ZNF416: variants seen among roughly 807,000 people sequenced by gnomAD.
ZNF416 encodes the protein zinc finger protein 416.
A neutral mutation model predicts 10.9 loss-of-function variants in ZNF416; 5 were observed. That is an observed-to-expected ratio of 0.46 (90% CI 0.24 to 0.97). The LOEUF is 0.97. ZNF416 is among the 50% of genes least tolerant of loss of function. The pLI is 0.19. For synonymous variants in ZNF416, 267 were observed against 251.8 expected (o/e 1.06, Z -0.57); for missense variants, 675 against 715.0 (o/e 0.94, Z 0.64).
chr19:57,572,028 C>T lies in ZNF416; in HGVS notation c.*91G>A. On this transcript the variant is annotated 3_prime_UTR_variant, in exon 4 of 4. Coordinates refer to ENST00000196489, the MANE Select transcript of ZNF416 (RefSeq NM_017879.3). This position sits in a 1 kb window ranked among gnomAD's most constrained non-coding sequence, Gnocchi z 4.5. Reference sequence around the variant, plus strand: ...TTTAACTTTAGGCAGACGGCTCCTTCACAAAGGCTCTCTATAGCCATAACA... The same window carrying T: ...TTTAACTTTAGGCAGACGGCTCCTTTACAAAGGCTCTCTATAGCCATAACA... 1 of 1,501,840 alleles carries T rather than the reference C, an allele frequency of 6.7e-7. No individual in the cohort carries two copies. 93.0% of individuals were successfully genotyped at this position (1,501,840 alleles called of 1,614,324 possible).
In ZNF416 at chr19:57,572,856, C is replaced by T. The variant is rs755877908; in HGVS notation, c.1048G>A (p.Gly350Arg). The change falls in exon 4 of 4, where the codon GGA becomes AGA. Residue 350 changes from glycine (G) to arginine (R), a missense_variant. Transcript: ENST00000196489. This position sits in a 1 kb window ranked among gnomAD's most constrained non-coding sequence, Gnocchi z 4.5. ...TCATCACACTCATAAGGCCTTTCTC[C>T]AGTGTGAATTCTGCAATGTTCAATA... ...NLIEHCRIHT[G>R]ERPYECDECG... The T allele has an allele frequency of 1.9e-6, 3 of 1,614,064 alleles. No individual in the cohort carries two copies. The East Asian group carries it at 6.7e-5, about 36-fold the overall frequency.
rs2090199367 is a variant in ZNF416 at position 57,572,496 on chromosome 19, C to A, written c.1408G>T (p.Glu470Ter). 1 of 1,613,804 alleles carries A rather than the reference C, an allele frequency of 6.2e-7. No homozygotes were observed. Among genetic ancestry groups the A allele is most frequent in the South Asian group, 1.1e-5 (1 of 91,074 alleles). The stretch of plus-strand genomic sequence containing the variant: ...TTGAACATAAAAGCTTTCCCACATT[C>A]CCCACATACATAAGGCCTTTCTGCA... ...HTAERPYVCG[E>*]CGKAFMFKSK... Residue 470 changes from glutamate to a stop codon, truncating the protein, a stop_gained, in exon 4 of 4, where the codon GAA (glutamate) becomes TAA (stop). Coordinates refer to ENST00000196489, the MANE Select transcript of ZNF416 (RefSeq NM_017879.3). LOFTEE classifies it low-confidence loss of function (END_TRUNC). The surrounding 1 kb of genome is among the most constrained non-coding windows in gnomAD (Gnocchi z 4.5).
At position 57,578,705 on chromosome 19, in the gene ZNF416, C is replaced by G; in HGVS notation, c.-1G>C. 6.5e-7 allele frequency: 1 copy of G among 1,540,998 alleles called. No homozygotes were observed. The highest frequency in any genetic ancestry group is 8.7e-7 in the Non-Finnish European group (1 of 1,144,094). On this transcript the variant is annotated 5_prime_UTR_variant, in exon 1 of 4. Transcript: ENST00000196489. ...AATCCCTAAGCACGGCCGCCGCCAT[C>G]GGATTGTGAGCGGAGCGGGGCCGGG...
In ZNF416 at chr19:57,577,467, T is replaced by TA. The variant is rs1247232401; in HGVS notation, c.75+589dup. Among the ~76,000 whole-genome samples the TA allele has an allele frequency of 5.3e-5, 8 of 152,150 alleles. No individual in the cohort carries two copies. The East Asian group carries it at 1.5e-3, about 29-fold the overall frequency. On this transcript the variant is annotated intron_variant, in intron 2 of 3. Coordinates refer to ENST00000196489, the MANE Select transcript of ZNF416 (RefSeq NM_017879.3). ...ATCTCAAAATCCAGGCTTCCCTACT[T>TA]AAAAAAACTGATCTAAAATCCAACT... is the stretch of plus-strand genomic sequence containing the variant.
Position 57,572,728 on chromosome 19 carries a change from T to A in ZNF416, c.1176A>T (p.Arg392Ser). ...GGTGTACAACAAGGCTGAAGCTTTG[T>A]CTGAATAATTTCCCACATTCACCAC... is the stretch of plus-strand genomic sequence containing the variant. ...YECGECGKLF[R>S]QSFSLVVHQR... is the part of the protein sequence containing the mutation. The change falls in exon 4 of 4, where the codon AGA (arginine) becomes AGT (serine). Residue 392 changes from arginine (R) to serine (S), a missense_variant. Physicochemically the swap from Arg to Ser is moderately radical, Grantham distance 110. Transcript: ENST00000196489. The surrounding 1 kb of genome is among the most constrained non-coding windows in gnomAD (Gnocchi z 4.5). 6.2e-7 allele frequency: 1 copy of A among 1,613,886 alleles called. No individual in the cohort carries two copies. The highest frequency in any genetic ancestry group is 8.5e-7 in the Non-Finnish European group (1 of 1,179,976).
chr19:57,578,128 G>C (rs1051228444), intron 1 of ZNF416, 30 bp from the exon 2 acceptor site: 9 of 1,613,568 alleles, frequency 5.6e-6, no homozygotes, highest in Non-Finnish European at 7.6e-6. Context: ...ATGAGAGGCA[G>C]GTAACTATGG....
At chr19:57,578,029 G>C in intron 2 of ZNF416, 28 bp downstream of exon 2, 3 of 1,613,834 alleles carry the variant, frequency 1.9e-6, no homozygotes, top group South Asian at 1.1e-5. Context: ...GTCAGCATCA[G>C]TGAGGGCCCG....
At chr19:57,577,698 G>C (rs565077880) in intron 2 of ZNF416, among the ~76,000 whole-genome samples, 8 of 152,136 alleles carry the variant, frequency 5.3e-5, no homozygotes, top group Non-Finnish European at 7.4e-5. Context: ...ACACACTCCA[G>C]AAGAAACACC....
At chr19:57,578,211 A>C (rs1978617340) in intron 1 of ZNF416, 113 bp from the exon 2 acceptor site, 5 of 1,031,492 alleles carry the variant, frequency 4.8e-6, no homozygotes, top group Non-Finnish European at 7.6e-6. Context: ...GTGATGACTA[A>C]ATTATTATTG....
At chr19:57,574,536 G>A (rs1229603851) in intron 3 of ZNF416, among the ~76,000 whole-genome samples, 1 of 152,044 alleles carries the variant, frequency 6.6e-6, no homozygotes, top group Non-Finnish European at 1.5e-5. Flanking sequence ...AAATCCTGTG[G>A]GTACATAACA....
Position 57,575,746 on chromosome 19 carries a change from C to T in ZNF416, c.202+58G>A. ...AGCCCACGGTCCGGCAGAGCTGCCT[C>T]TGAGGAAAAAGAGGATAGACGAAGA... On this transcript the variant is annotated intron_variant, in intron 3 of 3. Coordinates refer to ENST00000196489, the MANE Select transcript of ZNF416 (RefSeq NM_017879.3). The surrounding 1 kb of genome is among the most constrained non-coding windows in gnomAD (Gnocchi z 4.4). The T allele has an allele frequency of 6.2e-7, 1 of 1,612,454 alleles. No homozygotes were observed. Among genetic ancestry groups the T allele is most frequent in the South Asian group, 1.1e-5 (1 of 91,054 alleles).
chr19:57,578,683 C>A lies in ZNF416; in HGVS notation c.22G>T (p.Asp8Tyr). The A allele has an allele frequency of 6.4e-7, 1 of 1,555,222 alleles. No homozygotes were observed. The highest frequency in any genetic ancestry group is 8.7e-7 in the Non-Finnish European group (1 of 1,151,974). Residue 8 changes from aspartate to tyrosine, a missense_variant, in exon 1 of 4, where the codon GAT becomes TAT. Transcript: ENST00000196489. ...GACGCAGCACTCACCGAAGTCGAAT[C>A]CCTAAGCACGGCCGCCGCCATCGGA... MAAAVLR[D>Y]STSVPVTAEA...
At position 57,572,389 on chromosome 19, in the gene ZNF416, T is replaced by C. The variant is rs768062028; in HGVS notation, c.1515A>G (p.Gln505=). ...TCTGGTGTTCAACGAGGGTATAGCT[T>C]TGTCTAAAAAATTTCCCACATTCAC... is the stretch of plus-strand genomic sequence containing the variant. The part of the protein sequence containing the change: ...ECSECGKFFR[Q]SYTLVEHQKI... The change falls in exon 4 of 4, where the codon CAA becomes CAG. Residue 505 remains glutamine, a synonymous_variant. Transcript: ENST00000196489. This position sits in a 1 kb window ranked among gnomAD's most constrained non-coding sequence, Gnocchi z 4.5. The C allele has an allele frequency of 3.7e-6, 6 of 1,614,210 alleles. No individual in the cohort carries two copies. The highest frequency in any genetic ancestry group is 5.1e-6 in the Non-Finnish European group (6 of 1,180,026).
In ZNF416 at chr19:57,572,082, A is replaced by G. The variant is rs767492775; in HGVS notation, c.*37T>C. On this transcript the variant is annotated 3_prime_UTR_variant, in exon 4 of 4. Coordinates refer to ENST00000196489, the MANE Select transcript of ZNF416 (RefSeq NM_017879.3). This position sits in a 1 kb window ranked among gnomAD's most constrained non-coding sequence, Gnocchi z 4.5. ...AAGAAAGACATGGCACATTCCCTGC[A>G]GGTCTAAGGCTTTTCTCAGGTTTGG... is the stretch of plus-strand genomic sequence containing the variant. 2 of 1,582,606 alleles carry G rather than the reference A, an allele frequency of 1.3e-6. No homozygotes were observed. Among genetic ancestry groups the G allele is most frequent in the Non-Finnish European group, 1.7e-6 (2 of 1,161,640 alleles).
At chr19:57,576,368 G>T (rs901603824) in intron 2 of ZNF416, among the ~76,000 whole-genome samples, 1 of 151,908 alleles carries the variant, frequency 6.6e-6, no homozygotes, top group African/African-American at 2.4e-5. Flanking sequence ...TCACTCCCAC[G>T]GCTATTTCCA....
At chr19:57,577,502 A>ACAGCCACCACACAAGTC (rs1432289079) in intron 2 of ZNF416, among the ~76,000 whole-genome samples, 1 of 152,106 alleles carries the variant, frequency 6.6e-6, no homozygotes, top group Non-Finnish European at 1.5e-5. Context: ...TACCACCTCC[A>ACAGCCACCACACAAGTC]CAGCCACCAC....
At chr19:57,576,324 T>A (rs1978532944) in intron 2 of ZNF416, among the ~76,000 whole-genome samples, 1 of 152,104 alleles carries the variant, frequency 6.6e-6, no homozygotes, top group African/African-American at 2.4e-5. Flanking sequence ...CATATGCACA[T>A]CACTCTTTGA....
Position 57,578,775 on chromosome 19 carries a change from A to G in ZNF416, c.-71T>C. ...CGGGAACCCAGGCACGGCTGCCACC[A>G]GCGCCAGCGACCCACCGGCTGATGC... On this transcript the variant is annotated 5_prime_UTR_variant, in exon 1 of 4. Coordinates refer to ENST00000196489, the MANE Select transcript of ZNF416 (RefSeq NM_017879.3). 1.5e-6 allele frequency: 2 copies of G among 1,367,574 alleles called. No individual in the cohort carries two copies. The highest frequency in any genetic ancestry group is 1.6e-5 in the South Asian group (1 of 60,672). The allele number at this position is 1,367,574 out of a possible 1,614,324, so 84.7% of individuals were successfully genotyped here.
rs1379071467 is a variant in ZNF416, at chr19:57,572,344, C to G, written c.1560G>C (p.Arg520Ser). 6.2e-7 allele frequency: 1 copy of G among 1,614,142 alleles called. No individual in the cohort carries two copies. Among genetic ancestry groups the G allele is most frequent in the South Asian group, 1.1e-5 (1 of 91,082 alleles). Residue 520 changes from arginine to serine, a missense_variant, in exon 4 of 4, where the codon AGG becomes AGC. Arg to Ser is a moderately radical substitution (Grantham distance 110). Transcript: ENST00000196489. The surrounding 1 kb of genome is among the most constrained non-coding windows in gnomAD (Gnocchi z 4.5). ...VEHQKIHTGL[R>S]PYDCGQCGKS... ...TCCCGCACTGTCCACAGTCGTAAGG[C>G]CTTAATCCAGTGTGAATTTTCTGGT...
Sources: gnomAD v4.1 joint callset for allele counts (sites outside exome capture counted in the v4.1 genomes callset) on GRCh38, gnomAD v4.1.1 for gene constraint, Gnocchi (gnomAD v3.1) non-coding constraint, MANE v1.5 for transcripts, NCBI Gene and HGNC (gene_info 2026-07-23, HGNC 2026-07-21) for gene names.